KDM4C: variants seen among roughly 807,000 people sequenced by gnomAD.
KDM4C encodes the protein lysine demethylase 4C, also known as lysine-specific demethylase 4C.
A neutral mutation model predicts 129.3 loss-of-function variants in KDM4C; 81 were observed. The ratio of observed to expected loss-of-function variants is 0.63; its 90% CI spans 0.52 to 0.75. The LOEUF (loss-of-function observed/expected upper bound fraction) is 0.75. KDM4C is among the 30% of genes least tolerant of loss of function. The pLI, the probability that KDM4C is intolerant of heterozygous loss-of-function variation, is 0.00. For missense variants in KDM4C, 1,457 were observed against 1,304.0 expected, an observed-to-expected ratio of 1.12 and a Z score of -1.81; for synonymous variants, 573 against 456.1, an observed-to-expected ratio of 1.26 and a Z score of -3.26.
chr9:6,939,055 C>T (rs1351135624), intron 8 of KDM4C, among the ~76,000 whole-genome samples: 1 of 151,612 alleles, frequency 6.6e-6, no homozygotes, highest in Non-Finnish European at 1.5e-5. Flanking sequence ...AGCCACAGAT[C>T]TCCTGCTGTG....
intron 6 of KDM4C, among the ~76,000 whole-genome samples, chr9:6,886,971 T>C (rs555001024): frequency 2.6e-5 from 4 of 152,316 alleles, no homozygotes; most frequent in African/African-American, 9.6e-5. Flanking sequence ...GAGTTAGATG[T>C]CACATTTCCA....
At chr9:6,791,046 C>G (rs548550372) in intron 1 of KDM4C, among the ~76,000 whole-genome samples, 2 of 152,298 alleles carry the variant, frequency 1.3e-5, no homozygotes, top group East Asian at 1.9e-4. Flanking sequence ...TCTTGTCTGG[C>G]CAACTCCCAT....
intron 17 of KDM4C, among the ~76,000 whole-genome samples, chr9:7,049,535 A>G (rs1829861532): frequency 6.6e-6 from 1 of 152,066 alleles, no homozygotes; most frequent in East Asian, 1.9e-4. Context: ...AATTGTTTAG[A>G]TTTTTCTCTC....
intron 13 of KDM4C, among the ~76,000 whole-genome samples, chr9:7,012,701 G>GT (rs1822931067): frequency 6.6e-6 from 1 of 152,116 alleles, no homozygotes; most frequent in African/African-American, 2.4e-5. Flanking sequence ...CTAATGGAGG[G>GT]TCACAGTCCT....
intron 4 of KDM4C, among the ~76,000 whole-genome samples, chr9:6,839,571 G>A (rs1030288901): frequency 2.0e-5 from 3 of 151,846 alleles, no homozygotes; most frequent in Admixed American, 1.3e-4. Flanking sequence ...TTAAAAATGA[G>A]TGTTTTTTAC....
At chr9:6,928,093 A>T (rs941343206) in intron 8 of KDM4C, among the ~76,000 whole-genome samples, 1 of 152,158 alleles carries the variant, frequency 6.6e-6, no homozygotes, top group Non-Finnish European at 1.5e-5. Context: ...TTGGGCTATC[A>T]AACAGCTTTT....
intron 8 of KDM4C, among the ~76,000 whole-genome samples, chr9:6,971,036 G>A (rs892031102): frequency 1.3e-5 from 2 of 152,056 alleles, no homozygotes; most frequent in Admixed American, 1.3e-4. Flanking sequence ...TGATGACAGC[G>A]CATTCCTTTT....
chr9:6,952,921 G>A (rs2131527614), intron 8 of KDM4C, among the ~76,000 whole-genome samples: 1 of 152,298 alleles, frequency 6.6e-6, no homozygotes, highest in South Asian at 2.1e-4. Flanking sequence ...GCAGTCGGGG[G>A]AGGGAGATCT....
chr9:7,044,819 C>T (rs1829156430), intron 15 of KDM4C, among the ~76,000 whole-genome samples: 1 of 151,734 alleles, frequency 6.6e-6, no homozygotes, highest in Non-Finnish European at 1.5e-5. Context: ...AGTAATAGGG[C>T]CTATTACAGA....
chr9:7,030,525 G>T (rs1029371692), intron 15 of KDM4C, among the ~76,000 whole-genome samples: 1 of 152,152 alleles, frequency 6.6e-6, no homozygotes, highest in African/African-American at 2.4e-5. Context: ...TCTGGTGGGG[G>T]ATGTTGATAA....
At chr9:7,171,586 C>T (rs1041798378) in intron 21 of KDM4C, among the ~76,000 whole-genome samples, 1 of 152,042 alleles carries the variant, frequency 6.6e-6, no homozygotes, top group Non-Finnish European at 1.5e-5. Flanking sequence ...ATTTTCTAAT[C>T]GATGTATGAC....
chr9:6,863,585 A>G (rs563213639), intron 5 of KDM4C, among the ~76,000 whole-genome samples: 1 of 152,172 alleles, frequency 6.6e-6, no homozygotes, highest in African/African-American at 2.4e-5. Flanking sequence ...TCACGAGGTC[A>G]GGAGATCGAG....
At chr9:7,040,400 T>TGTGTGTGTGTGC (rs1554712904) in intron 15 of KDM4C, among the ~76,000 whole-genome samples, 1 of 143,886 alleles carries the variant, frequency 6.9e-6, no homozygotes, top group African/African-American at 2.6e-5. Context: ...TGTGTGTGTG[T>TGTGTGTGTGTGC]GTGTGCGTGT....
intron 15 of KDM4C, among the ~76,000 whole-genome samples, chr9:7,044,618 A>C (rs818872): frequency 0.99 from 151,028 of 152,026 alleles, 75,028 homozygotes; most frequent in Middle Eastern, 1. Flanking sequence ...GTAGGCACCA[A>C]TGATGGAAAA....
intron 8 of KDM4C, among the ~76,000 whole-genome samples, chr9:6,901,363 G>A (rs1040735769): frequency 2.0e-5 from 3 of 152,258 alleles, no homozygotes; most frequent in East Asian, 3.9e-4. Flanking sequence ...TCTCAAAAGG[G>A]CTCTTACCTC....
intron 1 of KDM4C, among the ~76,000 whole-genome samples, chr9:6,725,637 G>A (rs1033532401): frequency 1.3e-5 from 2 of 150,956 alleles, no homozygotes; most frequent in Non-Finnish European, 1.5e-5. Flanking sequence ...ACAGGCACCT[G>A]CCACCACATC....
intron 15 of KDM4C, among the ~76,000 whole-genome samples, chr9:7,035,584 C>T (rs2132413323): frequency 6.6e-6 from 1 of 151,708 alleles, no homozygotes; most frequent in South Asian, 2.1e-4. Flanking sequence ...GAAGTGTTTC[C>T]CTTATGTTTT....
At chr9:6,958,177 C>G (rs900934209) in intron 8 of KDM4C, among the ~76,000 whole-genome samples, 3 of 151,566 alleles carry the variant, frequency 2.0e-5, no homozygotes, top group Non-Finnish European at 4.4e-5. Context: ...AAGTGACTCA[C>G]AATGCCGTCT....
intron 6 of KDM4C, among the ~76,000 whole-genome samples, chr9:6,881,100 C>T (rs1226575077): frequency 6.6e-6 from 1 of 152,160 alleles, no homozygotes; most frequent in Non-Finnish European, 1.5e-5. Flanking sequence ...GAATTTTGTT[C>T]CTGCCTTATA....
Sources: allele counts gnomAD v4.1 joint callset (sites outside exome capture counted in the v4.1 genomes callset), GRCh38; gene constraint gnomAD v4.1.1; transcripts MANE v1.5; gene names NCBI Gene and HGNC (gene_info 2026-07-23, HGNC 2026-07-21).